Variants in KYAT1 observed in about 807,000 individuals in gnomAD.
The protein encoded by KYAT1 is kynurenine--oxoglutarate transaminase 1.
Under a neutral mutation model 52.4 loss-of-function variants are expected in KYAT1, and 47 were observed. The ratio of observed to expected loss-of-function variants is 0.90; its 90% CI spans 0.71 to 1.14. KYAT1 has a LOEUF of 1.14. Ranked by LOEUF, KYAT1 falls within the 50% of genes most tolerant of loss-of-function variation. The probability of loss-of-function intolerance (pLI) is 0.00; values close to 1 mark genes in which losing one functional copy is unlikely to be tolerated. For synonymous variants in KYAT1, 212 were observed against 209.6 expected (o/e 1.01, Z -0.10); for missense variants, 480 against 557.9 (o/e 0.86, Z 1.41).
chr9:128,840,392 G>C (rs1564456077), intron 3 of KYAT1, among the ~76,000 whole-genome samples: 1 of 152,142 alleles, frequency 6.6e-6, no homozygotes, highest in Non-Finnish European at 1.5e-5. Context: ...CCAAGTAGTT[G>C]GGATTACAGG....
chr9:128,836,068 G>C lies in KYAT1; in HGVS notation c.694C>G (p.Leu232Val), dbSNP rs1295067601. 6.2e-7 allele frequency: 1 copy of C among 1,613,882 alleles called. No individual in the cohort carries two copies. The highest frequency in any genetic ancestry group is 8.5e-7 in the Non-Finnish European group (1 of 1,179,808). Residue 232 changes from leucine (L) to valine (V), a missense_variant, in exon 8 of 13, where the codon CTC (leucine) becomes GTC (valine). By Grantham distance (32) the Leu-to-Val change is conservative. Transcript: ENST00000302586. ...AGGGTCCGTTCCCACATGCCAGGGA[G>C]GCTGGCTGCCCAAGGCCGAACAGAA... is the stretch of plus-strand genomic sequence containing the variant. Reference protein sequence around the residue: ...DGHQHISIASLPGMWERTLTI... With the variant: ...DGHQHISIASVPGMWERTLTI...
At chr9:128,839,177 T>C (rs1831688671) in intron 3 of KYAT1, among the ~76,000 whole-genome samples, 1 of 152,082 alleles carries the variant, frequency 6.6e-6, no homozygotes, top group African/African-American at 2.4e-5. Context: ...TTGGCCAGAC[T>C]GGTTTCGAAC....
upstream of KYAT1, chr9:128,882,490 C>G (rs1196485722): frequency 5.2e-6 from 2 of 387,158 alleles, no homozygotes; most frequent in East Asian, 3.6e-5. Context: ...CCAGGCACCC[C>G]TGTGCCTCCT....
intron 1 of KYAT1, among the ~76,000 whole-genome samples, chr9:128,863,352 G>T (rs1454907060): frequency 1.3e-5 from 2 of 151,992 alleles, no homozygotes; most frequent in Non-Finnish European, 2.9e-5. Flanking sequence ...ATTCATGGAG[G>T]CTGGGCATGG....
rs554122602 is a variant in KYAT1 at position 128,853,343 on chromosome 9, T to C, written c.-6-7932A>G. 2.6e-5 allele frequency among the ~76,000 whole-genome samples: 4 copies of C among 152,340 alleles called. No homozygotes were observed. In the East Asian group the frequency reaches 5.8e-4, roughly 22 times the overall value. On this transcript the variant is annotated intron_variant, in intron 1 of 12. Coordinates refer to ENST00000302586, the MANE Select transcript of KYAT1 (RefSeq NM_004059.5). Reference sequence around the variant, plus strand: ...AAAATGCTCTGATGGCGTTTACTGATTGTTCCAGCAATGGAAAAGTGGCTT... The same window carrying C: ...AAAATGCTCTGATGGCGTTTACTGACTGTTCCAGCAATGGAAAAGTGGCTT...
chr9:128,835,779 C>A lies in KYAT1; in HGVS notation c.855G>T (p.Gln285His). The change falls in exon 9 of 13, where the codon CAG becomes CAT. Residue 285 changes from glutamine (Q) to histidine (H), a missense_variant and splice_region_variant. Transcript: ENST00000302586. ...NSVFHCPTQS[Q>H]AAVAESFERE... ...CCCGTGACGTCCTGCCCCTCTTCAC[C>A]TGGCTCTGCGTGGGGCAGTGGAAGA... 6.2e-7 allele frequency: 1 copy of A among 1,612,374 alleles called. No homozygotes were observed. Among genetic ancestry groups the A allele is most frequent in the Non-Finnish European group, 8.5e-7 (1 of 1,179,186 alleles).
upstream of KYAT1, chr9:128,882,414 C>T (rs1220454019): frequency 6.7e-6 from 2 of 298,100 alleles, no homozygotes; most frequent in East Asian, 1.0e-4. Context: ...TACCTCTGGG[C>T]TCCCCAGTGC....
At chr9:128,856,950 C>T (rs556393121) in intron 1 of KYAT1, among the ~76,000 whole-genome samples, 12 of 152,324 alleles carry the variant, frequency 7.9e-5, no homozygotes, top group Middle Eastern at 3.4e-3. Flanking sequence ...AGGAAGGCCA[C>T]TGTCTCCTGC....
At chr9:128,846,600 C>CA (rs57333664) in intron 1 of KYAT1, 20,729 of 415,432 alleles carry the variant, frequency 0.05, 72 homozygotes, top group East Asian at 0.063. Flanking sequence ...AAGACTCTAC[C>CA]AAAAAAAAAA....
intron 3 of KYAT1, among the ~76,000 whole-genome samples, chr9:128,839,776 G>C (rs986322578): frequency 6.6e-6 from 1 of 152,268 alleles, no homozygotes; most frequent in Non-Finnish European, 1.5e-5. Flanking sequence ...GCACAGGCCA[G>C]GCACCGTGGC....
intron 1 of KYAT1, among the ~76,000 whole-genome samples, chr9:128,874,732 T>C (rs202054806): frequency 0.04 from 5,946 of 148,552 alleles, 166 homozygotes; most frequent in Middle Eastern, 0.076. Flanking sequence ...CTTTTTTTTT[T>C]TTTTTTTTTT....
At chr9:128,847,597 C>T in intron 1 of KYAT1, 1 of 1,058,424 alleles carries the variant, frequency 9.4e-7, no homozygotes, top group Non-Finnish European at 1.4e-6. Flanking sequence ...ACAGCCCTGG[C>T]CAGAAAATGC....
Position 128,833,757 on chromosome 9 carries a change from G to A in KYAT1, c.1192C>T (p.Arg398Cys), listed in dbSNP as rs186653130. Residue 398 changes from arginine (R) to cysteine (C), a missense_variant, in exon 12 of 13, where the codon CGC becomes TGC. Transcript: ENST00000302586. ...CCCTTTACCTTCACAAAACAGAAGC[G>A]GATATAGTGGTCAAAGTGCTTCTGA... The part of the protein sequence containing the change: ...PHQKHFDHYI[R>C]FCFVKDEATL... The A allele has an allele frequency of 7.4e-6, 12 of 1,614,194 alleles. No individual in the cohort carries two copies. Among genetic ancestry groups the A allele is most frequent in the East Asian group, 4.5e-5 (2 of 44,884 alleles).
At chr9:128,858,766 G>A (rs1411811532) in intron 1 of KYAT1, among the ~76,000 whole-genome samples, 3 of 151,938 alleles carry the variant, frequency 2.0e-5, no homozygotes, top group African/African-American at 4.8e-5. Context: ...CCAGCACTTC[G>A]GGAGGCTGAG....
Position 128,845,420 on chromosome 9 carries a change from G to T in KYAT1, c.-6-9C>A. On this transcript the variant is annotated splice_polypyrimidine_tract_variant and intron_variant, in intron 1 of 12. Coordinates refer to ENST00000302586, the MANE Select transcript of KYAT1 (RefSeq NM_004059.5). Reference sequence around the variant, plus strand: ...TGTTTGGCCATGGCGAGCTGGAGACGAACAAGTGGAAGGTCAGAGATGGAA... The same window carrying T: ...TGTTTGGCCATGGCGAGCTGGAGACTAACAAGTGGAAGGTCAGAGATGGAA... 6.2e-7 allele frequency: 1 copy of T among 1,613,376 alleles called. No homozygotes were observed. Among genetic ancestry groups the T allele is most frequent in the South Asian group, 1.1e-5 (1 of 91,060 alleles).
intron 1 of KYAT1, 101 bp downstream of exon 1, chr9:128,881,796 T>C (rs1838966132): frequency 6.6e-6 from 1 of 152,108 alleles, no homozygotes; most frequent in African/African-American, 2.4e-5. Context: ...AGCATCAAAC[T>C]CATTAAGCAC....
At chr9:128,870,730 G>T (rs187355789) in intron 1 of KYAT1, among the ~76,000 whole-genome samples, 1 of 152,278 alleles carries the variant, frequency 6.6e-6, no homozygotes, top group East Asian at 1.9e-4. Flanking sequence ...AGAATAACAA[G>T]TCTATAGAGA....
At chr9:128,857,725 G>A (rs1387162799) in intron 1 of KYAT1, among the ~76,000 whole-genome samples, 4 of 152,130 alleles carry the variant, frequency 2.6e-5, no homozygotes, top group Admixed American at 2.6e-4. Flanking sequence ...AGTCCCAGCT[G>A]CTCTGGAGGC....
intron 1 of KYAT1, among the ~76,000 whole-genome samples, chr9:128,849,594 G>A (rs1240848874): frequency 2.8e-5 from 4 of 144,576 alleles, no homozygotes; most frequent in Non-Finnish European, 4.5e-5. Context: ...AGGAGCTCAA[G>A]ACCAGCCTGG....
Sources: allele counts gnomAD v4.1 joint callset (sites outside exome capture counted in the v4.1 genomes callset), GRCh38; gene constraint gnomAD v4.1.1; transcripts MANE v1.5; gene names NCBI Gene and HGNC (gene_info 2026-07-23, HGNC 2026-07-21).